Variants in STK31 observed in about 807,000 individuals in gnomAD.
STK31 encodes serine/threonine-protein kinase 31.
STK31 carries 89 observed loss-of-function variants against 129.7 expected under a neutral mutation model. The ratio of observed to expected loss-of-function variants is 0.69; its 90% confidence interval spans 0.58 to 0.82. The LOEUF (loss-of-function observed/expected upper bound fraction) is 0.82. STK31 is among the 40% of genes least tolerant of loss of function. The probability of loss-of-function intolerance (pLI) is 0.00; values close to 1 mark genes in which losing one functional copy is unlikely to be tolerated. For synonymous variants in STK31, 448 were observed against 395.3 expected, an observed-to-expected ratio of 1.13 and a Z score of -1.58; for missense variants, 1,187 against 1,176.4, an observed-to-expected ratio of 1.01 and a Z score of -0.13.
intron 22 of STK31, among the ~76,000 whole-genome samples, chr7:23,803,440 T>C (rs1792503347): frequency 6.6e-6 from 1 of 152,248 alleles, no homozygotes; most frequent in Admixed American, 6.5e-5. Flanking sequence ...ATTTTGGGCA[T>C]ATCAAAGATA....
chr7:23,810,649 TATATATATAAAAATATATA>T (rs1431173736), intron 22 of STK31, among the ~76,000 whole-genome samples: 2 of 135,492 alleles, frequency 1.5e-5, no homozygotes, highest in African/African-American at 2.7e-5. Context: ...ATATATAAAT[TATATATATAAAAATATATA>T]ATATATATAA....
At chr7:23,816,970 G>A (rs560298973) in intron 23 of STK31, among the ~76,000 whole-genome samples, 13 of 152,138 alleles carry the variant, frequency 8.5e-5, no homozygotes, top group Non-Finnish European at 1.5e-4. Flanking sequence ...CAGATCAACT[G>A]AGGTCAGAAG....
chr7:23,831,639 A>G (rs888287943), intron 23 of STK31, among the ~76,000 whole-genome samples: 1 of 152,038 alleles, frequency 6.6e-6, no homozygotes, highest in East Asian at 1.9e-4. Context: ...TGTTTTGTGT[A>G]TCTTTTGTTT....
chr7:23,720,317 GCC>G, intron 4 of STK31, among the ~76,000 whole-genome samples: 1 of 152,114 alleles, frequency 6.6e-6, no homozygotes, highest in Non-Finnish European at 1.5e-5. Flanking sequence ...GGCAAGCTTA[GCC>G]CTACCTTGTC....
intron 23 of STK31, among the ~76,000 whole-genome samples, chr7:23,829,835 A>G (rs752325579): frequency 1.3e-5 from 2 of 152,050 alleles, no homozygotes; most frequent in African/African-American, 2.4e-5. Flanking sequence ...CATGTTTTCT[A>G]TTTCTTACTG....
Position 23,788,044 on chromosome 7 carries a change from T to C in STK31, c.2552T>C (p.Ile851Thr), listed in dbSNP as rs994628774. 3.2e-5 allele frequency: 51 copies of C among 1,611,938 alleles called. No homozygotes were observed. The highest frequency in any genetic ancestry group is 4.2e-5 in the Non-Finnish European group (50 of 1,179,012). The change falls in exon 21 of 24, where the codon ATT (isoleucine) becomes ACT (threonine). Residue 851 changes from isoleucine (I) to threonine (T), a missense_variant. Ile to Thr is a moderately conservative substitution (Grantham distance 89). Coordinates refer to ENST00000355870, the MANE Select transcript of STK31 (RefSeq NM_031414.5). Reference protein sequence around the residue: ...GLHTLHKADIIHGSLHQNNVF... With the variant: ...GLHTLHKADITHGSLHQNNVF... ...CATACATTGCATAAGGCTGACATAATTCATGGATCACTTCATCAGAACAAT... is the reference window on the plus strand; with the variant it reads ...CATACATTGCATAAGGCTGACATAACTCATGGATCACTTCATCAGAACAAT...
chr7:23,766,983 C>G (rs12531019), intron 11 of STK31, among the ~76,000 whole-genome samples: 63,873 of 152,010 alleles, frequency 0.42, 13,757 homozygotes, highest in Admixed American at 0.52. Context: ...AATTAATCCT[C>G]TAGCTGTGTC....
chr7:23,737,419 G>T (rs1787782493), intron 8 of STK31, among the ~76,000 whole-genome samples: 1 of 152,012 alleles, frequency 6.6e-6, no homozygotes, highest in African/African-American at 2.4e-5. Context: ...ATAACACATG[G>T]CCAATCTTTT....
intron 10 of STK31, 43 bp from the exon 11 acceptor site, chr7:23,762,758 A>C (rs1419821221): frequency 6.2e-7 from 1 of 1,600,616 alleles, no homozygotes; most frequent in South Asian, 1.2e-5. Flanking sequence ...TGCGGAAAAG[A>C]CCTGATGTAT....
chr7:23,715,381 A>C (rs865972741), intron 3 of STK31, among the ~76,000 whole-genome samples: 37 of 151,224 alleles, frequency 2.4e-4, no homozygotes, highest in Middle Eastern at 6.8e-3. Flanking sequence ...ACTTTGGGAG[A>C]CCTATGTGAG....
At chr7:23,737,581 A>G (rs778393041) in intron 8 of STK31, among the ~76,000 whole-genome samples, 4 of 152,252 alleles carry the variant, frequency 2.6e-5, no homozygotes, top group Non-Finnish European at 5.9e-5. Context: ...CCTTAATATT[A>G]TTTATATCCA....
chr7:23,771,117 GTA>G lies in STK31; in HGVS notation c.1828_1829del (p.Ile610Ter). The stretch of plus-strand genomic sequence containing the variant: ...ACAGTACAAGCTAAGTACAAGGACA[GTA>G]TTGAGGTTTGATTGTGCTTTCTCTT... On this transcript the variant is annotated frameshift_variant, in exon 14 of 24. Coordinates refer to ENST00000355870, the MANE Select transcript of STK31 (RefSeq NM_031414.5). LOFTEE classifies it high-confidence loss of function. The G allele has an allele frequency of 6.3e-7, 1 of 1,582,966 alleles. No homozygotes were observed. Among genetic ancestry groups the G allele is most frequent in the East Asian group, 2.3e-5 (1 of 43,030 alleles).
chr7:23,759,772 T>G (rs1789342430), intron 10 of STK31, among the ~76,000 whole-genome samples: 1 of 152,234 alleles, frequency 6.6e-6, no homozygotes, highest in South Asian at 2.1e-4. Flanking sequence ...AAACTGCATC[T>G]GTACTGGGAG....
chr7:23,832,247 C>A lies in STK31; in HGVS notation c.2941C>A (p.Pro981Thr). ...CFLMPKEQSV[P>T]NPEKDTEYTL... Reference sequence around the variant, plus strand: ...CTTGATGCCAAAGGAGCAATCAGTTCCAAACCCAGAAAAAGATACTGAATA... The same window carrying A: ...CTTGATGCCAAAGGAGCAATCAGTTACAAACCCAGAAAAAGATACTGAATA... The change falls in exon 24 of 24, where the codon CCA becomes ACA. Residue 981 changes from proline to threonine, a missense_variant. Physicochemically the swap from Pro to Thr is conservative, Grantham distance 38. Coordinates refer to ENST00000355870, the MANE Select transcript of STK31 (RefSeq NM_031414.5). 1.2e-6 allele frequency: 2 copies of A among 1,613,854 alleles called. No homozygotes were observed. Among genetic ancestry groups the A allele is most frequent in the South Asian group, 2.2e-5 (2 of 91,052 alleles).
chr7:23,809,496 A>G (rs1214279867), intron 22 of STK31, among the ~76,000 whole-genome samples: 1 of 152,214 alleles, frequency 6.6e-6, no homozygotes, highest in Non-Finnish European at 1.5e-5. Context: ...CTCAGTATAC[A>G]CAGGGAATTG....
intron 22 of STK31, among the ~76,000 whole-genome samples, chr7:23,806,728 G>A (rs1343783428): frequency 1.3e-5 from 2 of 151,866 alleles, no homozygotes; most frequent in African/African-American, 2.4e-5. Flanking sequence ...GTGAAACCCC[G>A]TCTCTACTAA....
intron 11 of STK31, among the ~76,000 whole-genome samples, chr7:23,766,524 G>A (rs1249018017): frequency 6.6e-6 from 1 of 152,162 alleles, no homozygotes; most frequent in Non-Finnish European, 1.5e-5. Context: ...AAAGTGCTGG[G>A]ATTACAGGTG....
intron 22 of STK31, among the ~76,000 whole-genome samples, chr7:23,799,169 C>A (rs369093959): frequency 6.6e-6 from 1 of 152,176 alleles, no homozygotes. Context: ...CCATACTACT[C>A]AAAGTAATAT....
At chr7:23,710,363 A>G in intron 1 of STK31, 28 bp downstream of exon 1, 1 of 1,613,394 alleles carries the variant, frequency 6.2e-7, no homozygotes, top group East Asian at 2.2e-5. Flanking sequence ...TGGTACGTGC[A>G]GTGGTGGCCG....
Sources: gnomAD v4.1 joint callset for allele counts (sites outside exome capture counted in the v4.1 genomes callset) on GRCh38, gnomAD v4.1.1 for gene constraint, MANE v1.5 for transcripts, NCBI Gene and HGNC (gene_info 2026-07-23, HGNC 2026-07-21) for gene names.